The following TBL1X variants were observed in gnomAD, a reference collection of about 807,000 sequenced individuals.
TBL1X encodes the protein F-box-like/WD repeat-containing protein TBL1X.
TBL1X carries 10 observed loss-of-function variants against 50.7 expected under a neutral mutation model. That is an observed-to-expected ratio of 0.20 (90% CI 0.12 to 0.33). TBL1X has a LOEUF of 0.33. Ranked by LOEUF, TBL1X falls within the 10% of genes least tolerant of loss-of-function variation. TBL1X has a pLI of 1.00. For missense variants in TBL1X, 340 were observed against 504.4 expected (o/e 0.67, Z 3.12); for synonymous variants, 190 against 214.7 (o/e 0.88, Z 1.01).
rs1555898906 is a variant in TBL1X at position 9,598,914 on chromosome X, TTTTTGTTTTG to T, written c.-130-41334_-130-41325del. ...CAAATTTCCATCCCCCTACCTTTTT[TTTTTGTTTTG>T]TTTTGTTTTGTTTTGTTTTGTTTTT... is the stretch of plus-strand genomic sequence containing the variant. On this transcript the variant is annotated intron_variant, in intron 2 of 17. Coordinates refer to ENST00000645353, the MANE Select transcript of TBL1X (RefSeq NM_005647.4). Among the ~76,000 whole-genome samples the T allele has an allele frequency of 1.3e-3, 132 of 98,362 alleles. No individual in the cohort carries two copies. In the East Asian group the frequency reaches 0.017, roughly 13 times the overall value. 85.4% of individuals were successfully genotyped at this position (98,362 alleles called of 115,157 possible).
chrX:9,616,392 A>G (rs2082639472), intron 2 of TBL1X, among the ~76,000 whole-genome samples: 1 of 112,060 alleles, frequency 8.9e-6, no homozygotes. Context: ...TTGAAAAAAC[A>G]ATTTTTTTCT....
chrX:9,476,292 C>G (rs1451193422), intron 1 of TBL1X, among the ~76,000 whole-genome samples: 1 of 111,924 alleles, frequency 8.9e-6, no homozygotes, highest in Non-Finnish European at 1.9e-5. Context: ...ACTCCACAGC[C>G]CAACCCCTTT....
intron 2 of TBL1X, among the ~76,000 whole-genome samples, chrX:9,635,832 C>T (rs775341410): frequency 4.5e-5 from 5 of 112,156 alleles, no homozygotes; most frequent in South Asian, 3.7e-4. Context: ...AAAGGCAGAA[C>T]GATGCCAGGC....
chrX:9,583,009 G>A (rs1300555304), intron 2 of TBL1X, among the ~76,000 whole-genome samples: 1 of 112,389 alleles, frequency 8.9e-6, no homozygotes, highest in Non-Finnish European at 1.9e-5. Context: ...TAATATAGAA[G>A]GATTTTTTTA....
chrX:9,495,298 G>C (rs756648384), intron 1 of TBL1X, among the ~76,000 whole-genome samples: 2 of 111,596 alleles, frequency 1.8e-5, no homozygotes, highest in South Asian at 7.7e-4. Context: ...CGAGGGCGGA[G>C]GAGCAGGAGA....
chrX:9,582,710 G>A (rs192867536), intron 2 of TBL1X, among the ~76,000 whole-genome samples: 21 of 112,577 alleles, frequency 1.9e-4, no homozygotes, highest in African/African-American at 5.8e-4. Flanking sequence ...ATGTTAAAGC[G>A]AATTGCATTG....
At chrX:9,669,236 A>C (rs141774902) in intron 5 of TBL1X, among the ~76,000 whole-genome samples, 1 of 111,381 alleles carries the variant, frequency 9.0e-6, no homozygotes, top group Non-Finnish European at 1.9e-5. Context: ...TCCTCGTAAT[A>C]TAGGCGACAA....
intron 2 of TBL1X, among the ~76,000 whole-genome samples, chrX:9,606,702 T>C (rs12391863): frequency 0.047 from 5,132 of 110,357 alleles, 151 homozygotes; most frequent in African/African-American, 0.11. Context: ...AAAAAAAGAA[T>C]GAATCACATA....
chrX:9,612,317 T>C (rs1455195351), intron 2 of TBL1X, among the ~76,000 whole-genome samples: 1 of 111,521 alleles, frequency 9.0e-6, no homozygotes, highest in East Asian at 2.8e-4. Flanking sequence ...TCTTGCCAGC[T>C]ACAGTCCACA....
At chrX:9,550,878 G>A (rs1482025414) in intron 2 of TBL1X, among the ~76,000 whole-genome samples, 1 of 110,798 alleles carries the variant, frequency 9.0e-6, no homozygotes, top group Non-Finnish European at 1.9e-5. Context: ...TGGTTGTCAC[G>A]TTTTGGGGAA....
intron 2 of TBL1X, among the ~76,000 whole-genome samples, chrX:9,532,891 A>T (rs2082169469): frequency 9.0e-6 from 1 of 111,224 alleles, no homozygotes; most frequent in African/African-American, 3.3e-5. Flanking sequence ...GCTTCAGCAT[A>T]TGAGTTGGGA....
chrX:9,716,468 A>G lies in TBL1X; in HGVS notation c.*222A>G, dbSNP rs2083279331. 1 of 365,806 alleles carries G rather than the reference A, an allele frequency of 2.7e-6. No homozygotes were observed. Among genetic ancestry groups the G allele is most frequent in the African/African-American group, 2.6e-5 (1 of 39,209 alleles). 30.1% of individuals were successfully genotyped at this position (365,806 alleles called of 1,213,427 possible). ...GAAGCAAATCATATCAAACGGGGAT[A>G]GAATGGTTTCCACTGAGGACATTCA... is the stretch of plus-strand genomic sequence containing the variant. On this transcript the variant is annotated 3_prime_UTR_variant, in exon 18 of 18. Transcript: ENST00000645353.
intron 2 of TBL1X, among the ~76,000 whole-genome samples, chrX:9,554,446 G>T (rs1384820150): frequency 8.9e-6 from 1 of 112,127 alleles, no homozygotes; most frequent in East Asian, 2.8e-4. Flanking sequence ...GTACAAATAT[G>T]ACTTGATTCA....
chrX:9,616,037 C>A (rs903205194), intron 2 of TBL1X, among the ~76,000 whole-genome samples: 6 of 111,976 alleles, frequency 5.4e-5, no homozygotes, highest in African/African-American at 1.9e-4. Flanking sequence ...AGACCAGACA[C>A]AAATCTTACG....
intron 2 of TBL1X, among the ~76,000 whole-genome samples, chrX:9,616,484 G>C (rs1449865921): frequency 8.9e-6 from 1 of 111,734 alleles, no homozygotes; most frequent in East Asian, 2.8e-4. Flanking sequence ...AGTTTGTGTA[G>C]AAATTAGAAA....
intron 1 of TBL1X, among the ~76,000 whole-genome samples, chrX:9,497,146 C>T (rs897823324): frequency 9.0e-6 from 1 of 111,374 alleles, no homozygotes; most frequent in African/African-American, 3.3e-5. Context: ...CAGTGGCTCA[C>T]GCCTGTAATC....
chrX:9,629,144 G>C (rs979948886), intron 2 of TBL1X, among the ~76,000 whole-genome samples: 1 of 112,737 alleles, frequency 8.9e-6, no homozygotes, highest in Non-Finnish European at 1.9e-5. Flanking sequence ...TTAGTAATGT[G>C]TTAGGAGTGC....
intron 2 of TBL1X, among the ~76,000 whole-genome samples, chrX:9,543,157 A>G (rs1407422926): frequency 8.9e-6 from 1 of 112,269 alleles, no homozygotes. Flanking sequence ...AGGGCACGGG[A>G]CGTGAATCCG....
intron 2 of TBL1X, among the ~76,000 whole-genome samples, chrX:9,589,529 C>T (rs1376595852): frequency 9.0e-6 from 1 of 111,563 alleles, no homozygotes; most frequent in East Asian, 2.8e-4. Flanking sequence ...TCGGAGTTTG[C>T]TGTCTTGCTG....
Sources: allele counts gnomAD v4.1 joint callset (sites outside exome capture counted in the v4.1 genomes callset), GRCh38; gene constraint gnomAD v4.1.1; transcripts MANE v1.5; gene names NCBI Gene and HGNC (gene_info 2026-07-23, HGNC 2026-07-21).